Variants in TUBGCP4 observed in about 807,000 individuals in gnomAD.
TUBGCP4 encodes the protein tubulin gamma complex component 4, also known as gamma-tubulin complex component 4.
TUBGCP4 carries 54 observed loss-of-function variants against 91.6 expected under a neutral mutation model. The ratio of observed to expected loss-of-function variants is 0.59; its 90% CI spans 0.47 to 0.74. TUBGCP4 has a LOEUF of 0.74. Ranked by LOEUF, TUBGCP4 falls within the 30% of genes least tolerant of loss-of-function variation. The probability of loss-of-function intolerance (pLI) is 0.00; values close to 1 mark genes in which losing one functional copy is unlikely to be tolerated. For missense variants in TUBGCP4, 593 were observed against 800.9 expected, an observed-to-expected ratio of 0.74 and a Z score of 3.13; for synonymous variants, 297 against 302.8, an observed-to-expected ratio of 0.98 and a Z score of 0.20.
rs772200785 is a variant in TUBGCP4, at chr15:43,385,958, T to C, written c.889+2T>C. 3.1e-6 allele frequency: 5 copies of C among 1,613,608 alleles called. No individual in the cohort carries two copies. Among genetic ancestry groups the C allele is most frequent in the Non-Finnish European group, 4.2e-6 (5 of 1,179,826 alleles). The stretch of plus-strand genomic sequence containing the variant: ...AAAATGTGAACCTGACTAGAAAAGG[T>C]AGAAATCTCCTTGTCCAATGTACCA... On this transcript the variant is annotated splice_donor_variant, in intron 8 of 17. Coordinates refer to ENST00000564079, the MANE Select transcript of TUBGCP4 (RefSeq NM_014444.5). LOFTEE classifies it high-confidence loss of function.
Position 43,407,302 on chromosome 15 carries a change from TAC to T in TUBGCP4, c.*2094_*2095del. 1 of 1,231,516 alleles carries T rather than the reference TAC, an allele frequency of 8.1e-7. No homozygotes were observed. The highest frequency in any genetic ancestry group is 1.5e-5 in the African/African-American group (1 of 66,980). 76.3% of individuals were successfully genotyped at this position (1,231,516 alleles called of 1,614,324 possible). ...ACAAGATCCATGCAAGGAATCCAGT[TAC>T]ACACAAGACACATTTAAAACCTGGT... On this transcript the variant is annotated 3_prime_UTR_variant, in exon 18 of 18. Coordinates refer to ENST00000564079, the MANE Select transcript of TUBGCP4 (RefSeq NM_014444.5).
At position 43,397,945 on chromosome 15, in the gene TUBGCP4, C is replaced by T. The variant is rs540022106; in HGVS notation, c.1280-96C>T. On this transcript the variant is annotated intron_variant, in intron 12 of 17. Transcript: ENST00000564079. ...CAGACTGGTCTTGAACTCCTGTGAG[C>T]TCTAGTTTCATTAATGTTATTCACT... is the stretch of plus-strand genomic sequence containing the variant. 1.9e-4 allele frequency: 243 copies of T among 1,287,564 alleles called. 1 individual carries two copies. Among genetic ancestry groups the T allele is most frequent in the South Asian group, 1.4e-3 (92 of 66,746 alleles). The allele number at this position is 1,287,564 out of a possible 1,614,324, so 79.8% of individuals were successfully genotyped here.
In TUBGCP4 at chr15:43,395,704, C is replaced by T. The variant is rs746585936; in HGVS notation, c.1171+16C>T. On this transcript the variant is annotated intron_variant, in intron 11 of 17. Coordinates refer to ENST00000564079, the MANE Select transcript of TUBGCP4 (RefSeq NM_014444.5). ...ACTGAGCATGGTAATTGTCAGTGGC[C>T]CTGAGAATGATCAACTGATTGACAT... 6 of 1,592,484 alleles carry T rather than the reference C, an allele frequency of 3.8e-6. No individual in the cohort carries two copies. The East Asian group carries it at 1.3e-4, about 36-fold the overall frequency.
chr15:43,408,336 C>G lies in TUBGCP4; in HGVS notation c.*3122C>G. On this transcript the variant is annotated 3_prime_UTR_variant, in exon 18 of 18. Coordinates refer to ENST00000564079, the MANE Select transcript of TUBGCP4 (RefSeq NM_014444.5). ...CTACAAAAGACAACAAAAAAATTAG[C>G]TGGGTGTGGTGGCGAGTGCCTGTAG... is the stretch of plus-strand genomic sequence containing the variant. 1 of 390,036 alleles carries G rather than the reference C, an allele frequency of 2.6e-6. No homozygotes were observed. Among genetic ancestry groups the G allele is most frequent in the East Asian group, 5.2e-5 (1 of 19,394 alleles). The allele number at this position is 390,036 out of a possible 1,614,324, so 24.2% of individuals were successfully genotyped here.
At chr15:43,397,349 A>C (rs751201175) in intron 12 of TUBGCP4, 28 bp downstream of exon 12, 2 of 1,512,496 alleles carry the variant, frequency 1.3e-6, no homozygotes, top group South Asian at 1.1e-5. Flanking sequence ...GCCACCTTAG[A>C]GTTCCTGCTG....
rs551963847 is a variant in TUBGCP4, at chr15:43,401,999, A to G, written c.1731+149A>G. The G allele has an allele frequency of 1.4e-4, 141 of 994,420 alleles. 1 individual carries two copies. The highest frequency in any genetic ancestry group is 2.8e-4 in the Middle Eastern group (1 of 3,544). 61.6% of individuals were successfully genotyped at this position (994,420 alleles called of 1,614,324 possible). ...TTAAGAATGTGTAAAGCGGCGGGGC[A>G]TGGTGGCTCATGCCTGTAATCCCAG... is the stretch of plus-strand genomic sequence containing the variant. On this transcript the variant is annotated intron_variant, in intron 15 of 17. Transcript: ENST00000564079.
intron 6 of TUBGCP4, among the ~76,000 whole-genome samples, chr15:43,382,725 T>C (rs1166113392): frequency 1.3e-5 from 2 of 152,228 alleles, no homozygotes; most frequent in African/African-American, 2.4e-5. Flanking sequence ...TGCTCCATTA[T>C]AGAGGTACAT....
In TUBGCP4 at chr15:43,405,761, C is replaced by G. The variant is rs183936937; in HGVS notation, c.*547C>G. ...ATATACTTAAAAGTATTTCTTAGGC[C>G]GGGCATGGTGGCTCACACCTGTAAT... is the stretch of plus-strand genomic sequence containing the variant. On this transcript the variant is annotated 3_prime_UTR_variant, in exon 18 of 18. Coordinates refer to ENST00000564079, the MANE Select transcript of TUBGCP4 (RefSeq NM_014444.5). 6.6e-6 allele frequency: 1 copy of G among 152,518 alleles called. No homozygotes were observed. Among genetic ancestry groups the G allele is most frequent in the Non-Finnish European group, 1.5e-5 (1 of 68,514 alleles). The allele number at this position is 152,518 out of a possible 1,614,324, so 9.4% of individuals were successfully genotyped here.
intron 8 of TUBGCP4, 87 bp downstream of exon 8, chr15:43,386,043 C>A: frequency 1.9e-6 from 3 of 1,543,658 alleles, no homozygotes; most frequent in Non-Finnish European, 2.6e-6. Flanking sequence ...CTGGTCAGAG[C>A]GAGTGGTCGA....
At chr15:43,404,367 G>A (rs1047827407) in intron 16 of TUBGCP4, 46 bp from the exon 17 acceptor site, 5 of 1,611,134 alleles carry the variant, frequency 3.1e-6, no homozygotes, top group African/African-American at 1.3e-5. Context: ...CATATGGAGA[G>A]TTGGTGAGCT....
intron 7 of TUBGCP4, chr15:43,385,492 C>T (rs2044341778): frequency 8.3e-6 from 4 of 480,204 alleles, no homozygotes; most frequent in South Asian, 6.6e-5. Flanking sequence ...AAAAAGACCA[C>T]CTCTTTCATC....
intron 9 of TUBGCP4, chr15:43,394,256 G>C (rs2142853450): frequency 6.6e-6 from 1 of 151,734 alleles, no homozygotes; most frequent in East Asian, 1.9e-4. Flanking sequence ...GCTAATTTTT[G>C]TACTTTTAGT....
At chr15:43,404,896 G>A (rs999707110) in intron 17 of TUBGCP4, 9 of 488,214 alleles carry the variant, frequency 1.8e-5, no homozygotes, top group Admixed American at 3.7e-5. Context: ...CCTAGCTTCC[G>A]CATCTGTGAA....
chr15:43,405,249 G>T lies in TUBGCP4; in HGVS notation c.*35G>T. On this transcript the variant is annotated 3_prime_UTR_variant, in exon 18 of 18. Coordinates refer to ENST00000564079, the MANE Select transcript of TUBGCP4 (RefSeq NM_014444.5). Reference sequence around the variant, plus strand: ...GCTCATAAATTGAAATAACAGCCACGTTCCCAAGGTTGTAACAGAAGATTC... The same window carrying T: ...GCTCATAAATTGAAATAACAGCCACTTTCCCAAGGTTGTAACAGAAGATTC... The T allele has an allele frequency of 6.2e-7, 1 of 1,611,772 alleles. No homozygotes were observed. The highest frequency in any genetic ancestry group is 8.5e-7 in the Non-Finnish European group (1 of 1,177,934).
intron 6 of TUBGCP4, among the ~76,000 whole-genome samples, chr15:43,382,911 A>G (rs934295749): frequency 6.6e-6 from 1 of 152,234 alleles, no homozygotes; most frequent in African/African-American, 2.4e-5. Context: ...AGTGATTCCA[A>G]CAAAAATAAA....
Position 43,406,644 on chromosome 15 carries a change from G to A in TUBGCP4, c.*1430G>A, listed in dbSNP as rs1239423555. 4.4e-6 allele frequency: 2 copies of A among 455,902 alleles called. No individual in the cohort carries two copies. Among genetic ancestry groups the A allele is most frequent in the Admixed American group, 4.7e-5 (2 of 42,564 alleles). The allele number at this position is 455,902 out of a possible 1,614,324, so 28.2% of individuals were successfully genotyped here. ...CCTGCTTTAGAGAATGAGAAGCCAT[G>A]CAGGGATCAGTGATGCCAGAGGAAG... On this transcript the variant is annotated 3_prime_UTR_variant, in exon 18 of 18. Coordinates refer to ENST00000564079, the MANE Select transcript of TUBGCP4 (RefSeq NM_014444.5).
chr15:43,400,108 T>C lies in TUBGCP4; in HGVS notation c.1483T>C (p.Trp495Arg), dbSNP rs2044645952. ...GGTGCAAGCTGAGCTGCAGCACTGC[T>C]GGGCCCTACAAATGCAGCGCAAGCA... is the stretch of plus-strand genomic sequence containing the variant. ...RRVQAELQHC[W>R]ALQMQRKHLK... Residue 495 changes from tryptophan (W) to arginine (R), a missense_variant, in exon 14 of 18, where the codon TGG becomes CGG. Trp to Arg is a moderately radical substitution (Grantham distance 101). Coordinates refer to ENST00000564079, the MANE Select transcript of TUBGCP4 (RefSeq NM_014444.5). 1.2e-6 allele frequency: 2 copies of C among 1,614,228 alleles called. No homozygotes were observed. The highest frequency in any genetic ancestry group is 2.2e-5 in the East Asian group (1 of 44,886).
intron 6 of TUBGCP4, among the ~76,000 whole-genome samples, chr15:43,382,236 A>G (rs1266479339): frequency 1.1e-5 from 1 of 88,546 alleles, no homozygotes; most frequent in African/African-American, 1.4e-4. Flanking sequence ...AAAGAAAAAA[A>G]GAAAAATAAA....
At chr15:43,373,399 A>C (rs1194247294) in intron 1 of TUBGCP4, among the ~76,000 whole-genome samples, 1 of 152,236 alleles carries the variant, frequency 6.6e-6, no homozygotes, top group Non-Finnish European at 1.5e-5. Context: ...TAGTAGTATC[A>C]CTTGATAACT....
Sources: allele counts gnomAD v4.1 joint callset (sites outside exome capture counted in the v4.1 genomes callset), GRCh38; gene constraint gnomAD v4.1.1; transcripts MANE v1.5; gene names NCBI Gene and HGNC (gene_info 2026-07-23, HGNC 2026-07-21).